Variants in EXTL3 observed in about 807,000 individuals in gnomAD.
EXTL3 encodes the protein exostosin like glycosyltransferase 3, also known as exostosin-like 3.
A neutral mutation model predicts 69.3 loss-of-function variants in EXTL3; 27 were observed. The observed-to-expected ratio is 0.39, with a 90% confidence interval of 0.29 to 0.54. The LOEUF is 0.54. EXTL3 is among the 20% of genes least tolerant of loss of function. EXTL3 has a pLI of 0.69. For synonymous variants in EXTL3, 511 were observed against 499.4 expected, an observed-to-expected ratio of 1.02 and a Z score of -0.31; for missense variants, 1,003 against 1,231.8, an observed-to-expected ratio of 0.81 and a Z score of 2.78.
At chr8:28,693,500 T>C (rs1469959250) in intron 1 of EXTL3, among the ~76,000 whole-genome samples, 3 of 151,852 alleles carry the variant, frequency 2.0e-5, no homozygotes, top group South Asian at 4.2e-4. Context: ...GAAACTTGAA[T>C]GTTTATTTTT....
Position 28,713,449 on chromosome 8 carries a change from TA to T in EXTL3, c.-569-5del. 3 of 670,932 alleles carry T rather than the reference TA, an allele frequency of 4.5e-6. No homozygotes were observed. The highest frequency in any genetic ancestry group is 2.5e-5 in the Admixed American group (1 of 39,818). 41.6% of individuals were successfully genotyped at this position (670,932 alleles called of 1,614,324 possible). ...TATTTTTGTTTTTTGTTTTTTTTTT[TA>T]AATCAGGAGAGCAAGCCCTGGAGGT... is the stretch of plus-strand genomic sequence containing the variant. On this transcript the variant is annotated splice_polypyrimidine_tract_variant and splice_region_variant and intron_variant, in intron 1 of 6. Coordinates refer to ENST00000220562, the MANE Select transcript of EXTL3 (RefSeq NM_001440.4).
At chr8:28,722,111 T>C (rs1034669209) in intron 3 of EXTL3, among the ~76,000 whole-genome samples, 1 of 152,064 alleles carries the variant, frequency 6.6e-6, no homozygotes, top group Admixed American at 6.6e-5. Context: ...GAGGAGGCCA[T>C]GTAAATTCTG....
chr8:28,688,060 CTTT>C (rs149041444), intron 1 of EXTL3, among the ~76,000 whole-genome samples: 8 of 131,930 alleles, frequency 6.1e-5, no homozygotes, highest in Admixed American at 7.7e-5. Context: ...GAAGAGATGA[CTTT>C]TTTTTTTTTT....
chr8:28,621,521 T>C (rs1298533648), upstream of EXTL3, among the ~76,000 whole-genome samples: 1 of 152,188 alleles, frequency 6.6e-6, no homozygotes, highest in East Asian at 1.9e-4. Flanking sequence ...CAGCGCTAGC[T>C]AACCAATACA....
At chr8:28,621,352 C>A (rs2130542363), upstream of EXTL3, among the ~76,000 whole-genome samples, 1 of 152,276 alleles carries the variant, frequency 6.6e-6, no homozygotes, top group Non-Finnish European at 1.5e-5. Context: ...AGCTGGCCAT[C>A]TACAACCCAG....
At chr8:28,616,845 G>A (rs781688974) in intron 2 of EXTL3, among the ~76,000 whole-genome samples, 20 of 152,326 alleles carry the variant, frequency 1.3e-4, no homozygotes, top group Middle Eastern at 3.4e-3. Context: ...GCCTTGGAAC[G>A]CATTGCCTCG....
chr8:28,722,960 GGA>G (rs1443928201), intron 3 of EXTL3, among the ~76,000 whole-genome samples: 1 of 152,048 alleles, frequency 6.6e-6, no homozygotes, highest in Non-Finnish European at 1.5e-5. Flanking sequence ...AGGGAAGACT[GGA>G]AGAGAAGCTG....
rs373238234 is a variant in EXTL3, at chr8:28,717,137, G to C, written c.1078G>C (p.Ala360Pro). The C allele has an allele frequency of 6.2e-7, 1 of 1,614,242 alleles. No individual in the cohort carries two copies. Among genetic ancestry groups the C allele is most frequent in the Admixed American group, 1.7e-5 (1 of 60,032 alleles). ...IESLRSSLQE[A>P]RSFEEEMEGD... ...GTCTCTGAGGTCTAGCCTTCAGGAG[G>C]CCCGCTCCTTCGAAGAGGAAATGGA... Residue 360 changes from alanine to proline, a missense_variant, in exon 3 of 7, where the codon GCC (alanine) becomes CCC (proline). Transcript: ENST00000220562. The surrounding 1 kb of genome is among the most constrained non-coding windows in gnomAD (Gnocchi z 8.3).
intron 1 of EXTL3, among the ~76,000 whole-genome samples, chr8:28,651,215 A>T (rs1285953812): frequency 6.6e-6 from 1 of 152,192 alleles, no homozygotes; most frequent in African/African-American, 2.4e-5. Flanking sequence ...CTGTACCTTT[A>T]AAAACAGAAT....
rs1444225901 is a variant in EXTL3, at chr8:28,656,332, G to A, written c.-53+33522G>A. Among the ~76,000 whole-genome samples, 9 of 151,944 alleles carry A rather than the reference G, an allele frequency of 5.9e-5. No homozygotes were observed. The East Asian group carries it at 9.7e-4, about 16-fold the overall frequency. On this transcript the variant is annotated intron_variant, in intron 1 of 6. Coordinates refer to the EXTL3 transcript ENST00000523149. ...GGATTACAGGTGAGCCACCACACCC[G>A]GCTAATTTTTGTATTTTTAGGATTT... is the stretch of plus-strand genomic sequence containing the variant.
rs530347970 is a variant in EXTL3, at chr8:28,639,689, T to C, written c.-53+16879T>C. ...TCCCTCCTGACAGCTGCTTTTTGGGTTGCAAGTTAGACATAACTTCACCGA... is the reference window on the plus strand; with the variant it reads ...TCCCTCCTGACAGCTGCTTTTTGGGCTGCAAGTTAGACATAACTTCACCGA... On this transcript the variant is annotated intron_variant, in intron 1 of 6. Coordinates refer to the EXTL3 transcript ENST00000523149. Among the ~76,000 whole-genome samples, 5 of 152,330 alleles carry C rather than the reference T, an allele frequency of 3.3e-5. No individual in the cohort carries two copies. The South Asian group carries it at 1.0e-3, about 32-fold the overall frequency.
chr8:28,736,613 C>T (rs1585291426), intron 4 of EXTL3, among the ~76,000 whole-genome samples: 3 of 152,134 alleles, frequency 2.0e-5, no homozygotes, highest in African/African-American at 7.2e-5. Flanking sequence ...CTCCGTCAGC[C>T]CTGCTCAAAT....
At chr8:28,712,934 A>G (rs1801060690) in intron 1 of EXTL3, among the ~76,000 whole-genome samples, 2 of 152,138 alleles carry the variant, frequency 1.3e-5, no homozygotes, top group Admixed American at 1.3e-4. Context: ...TTGGTATGAA[A>G]AATTTCAAAC....
rs116481084 is a variant in EXTL3, at chr8:28,729,261, T to C, written c.2149-1962T>C. 3.0e-3 allele frequency among the ~76,000 whole-genome samples: 399 copies of C among 133,070 alleles called. 3 individuals carry two copies. The highest frequency in any genetic ancestry group is 0.012 in the African/African-American group (388 of 33,578). 87.3% of individuals were successfully genotyped at this position (133,070 alleles called of 152,430 possible). A position where few individuals can be genotyped will look rare whatever the true frequency, so the allele number is the denominator to read the frequency against. On this transcript the variant is annotated intron_variant, in intron 3 of 6. Coordinates refer to ENST00000220562, the MANE Select transcript of EXTL3 (RefSeq NM_001440.4). ...AGTGAGCCGAGATCACACCACTGCA[T>C]TCCAGTCTGGGCCACAGTGAGACTC...
At chr8:28,612,049 T>C (rs2130531212) in intron 2 of EXTL3, among the ~76,000 whole-genome samples, 1 of 152,294 alleles carries the variant, frequency 6.6e-6, no homozygotes, top group East Asian at 1.9e-4. Flanking sequence ...CGCTCCAGCT[T>C]AGTGGCGTGA....
intron 1 of EXTL3, among the ~76,000 whole-genome samples, chr8:28,696,019 C>T (rs968819741): frequency 4.6e-5 from 7 of 152,058 alleles, no homozygotes; most frequent in South Asian, 2.1e-4. Context: ...CTGGCTCAAG[C>T]GATCCTCCCA....
chr8:28,621,134 T>TC (rs1243311191), upstream of EXTL3, among the ~76,000 whole-genome samples: 1 of 152,168 alleles, frequency 6.6e-6, no homozygotes, highest in Non-Finnish European at 1.5e-5. Context: ...CACTGAATTG[T>TC]CCCCCTCCTT....
chr8:28,647,144 G>T (rs915048221), intron 1 of EXTL3, among the ~76,000 whole-genome samples: 1 of 147,548 alleles, frequency 6.8e-6, no homozygotes. Flanking sequence ...TGCTCTTGTC[G>T]TCCAGGCTGG....
At chr8:28,705,707 C>G (rs563743262) in intron 1 of EXTL3, among the ~76,000 whole-genome samples, 1 of 152,136 alleles carries the variant, frequency 6.6e-6, no homozygotes, top group Non-Finnish European at 1.5e-5. Context: ...GTTTGAGAAG[C>G]GAAAACCGTT....
Sources: gnomAD v4.1 joint callset for allele counts (sites outside exome capture counted in the v4.1 genomes callset) on GRCh38, gnomAD v4.1.1 for gene constraint, Gnocchi (gnomAD v3.1) non-coding constraint, MANE v1.5 for transcripts, NCBI Gene and HGNC (gene_info 2026-07-23, HGNC 2026-07-21) for gene names.